CDH18: variants seen among roughly 807,000 people sequenced by gnomAD.
CDH18 encodes the protein cadherin-18.
Under a neutral mutation model 67.9 loss-of-function variants are expected in CDH18, and 31 were observed. The observed-to-expected ratio is 0.46, with a 90% CI of 0.34 to 0.62. The LOEUF (loss-of-function observed/expected upper bound fraction) is 0.62. Among genes scored for constraint, CDH18 ranks in the 20% least tolerant of loss-of-function variants. The pLI is 0.01. For missense variants in CDH18, 890 were observed against 975.5 expected (o/e 0.91, Z 1.17); for synonymous variants, 362 against 347.2 (o/e 1.04, Z -0.48).
chr5:20,012,568 G>A lies in CDH18; in HGVS notation c.-517-20554C>T, dbSNP rs531369301. 3.4e-4 allele frequency among the ~76,000 whole-genome samples: 51 copies of A among 152,114 alleles called. 2 individuals are homozygous for A. In the South Asian group the frequency reaches 0.01, roughly 31 times the overall value. On this transcript the variant is annotated intron_variant, in intron 2 of 14. Coordinates refer to the CDH18 transcript ENST00000507958. ...TAGGAATAGAGCTAACCAAGGAGGT[G>A]AAAGATCTCTACAAAGAGAACTAAA...
chr5:19,945,856 A>G (rs937907890), intron 2 of CDH18, among the ~76,000 whole-genome samples: 1 of 152,126 alleles, frequency 6.6e-6, no homozygotes, highest in African/African-American at 2.4e-5. Flanking sequence ...AGACTCAAAA[A>G]TCATTTTGAT....
At chr5:19,571,929 A>T (rs1358086871) in intron 7 of CDH18, 97 bp from the exon 8 acceptor site, 4 of 946,468 alleles carry the variant, frequency 4.2e-6, no homozygotes, top group Non-Finnish European at 6.3e-6. Context: ...CCTTTTTAGA[A>T]TAAAATAATT....
chr5:20,005,632 A>G (rs955289021), intron 2 of CDH18, among the ~76,000 whole-genome samples: 5 of 151,950 alleles, frequency 3.3e-5, no homozygotes. Flanking sequence ...ACACATATAT[A>G]TATAATTTTC....
chr5:19,582,553 T>C (rs185310015), intron 7 of CDH18, among the ~76,000 whole-genome samples: 2 of 152,128 alleles, frequency 1.3e-5, no homozygotes, highest in East Asian at 3.9e-4. Context: ...AATTCCTCTA[T>C]CAGCTGTGGC....
intron 1 of CDH18, among the ~76,000 whole-genome samples, chr5:20,265,652 AT>A (rs1165346691): frequency 6.6e-6 from 1 of 152,168 alleles, no homozygotes; most frequent in Non-Finnish European, 1.5e-5. Context: ...ATACTTATGC[AT>A]AAAAATTAAA....
At chr5:20,018,165 A>C (rs552863695) in intron 2 of CDH18, among the ~76,000 whole-genome samples, 2 of 152,164 alleles carry the variant, frequency 1.3e-5, no homozygotes, top group Admixed American at 6.5e-5. Context: ...TGTGAGGTTA[A>C]GTATTTAATA....
At chr5:19,985,949 G>T (rs1356266297) in intron 1 of CDH18, among the ~76,000 whole-genome samples, 1 of 152,140 alleles carries the variant, frequency 6.6e-6, no homozygotes, top group Non-Finnish European at 1.5e-5. Context: ...AAGTCAGGTT[G>T]CAGATACTTA....
intron 2 of CDH18, among the ~76,000 whole-genome samples, chr5:20,183,976 G>T (rs1367983852): frequency 6.6e-6 from 1 of 151,974 alleles, no homozygotes; most frequent in African/African-American, 2.4e-5. Context: ...ACGAAAATAT[G>T]TACACTAAAT....
rs868246201 is a variant in CDH18 at position 19,673,988 on chromosome 5, A to G, written c.643+47359T>C. Among the ~76,000 whole-genome samples, 9 of 152,172 alleles carry G rather than the reference A, an allele frequency of 5.9e-5. 1 individual carries two copies. In the South Asian group the frequency reaches 1.4e-3, roughly 25 times the overall value. ...CTTTAAAGAAATAAGTCACCTAAAC[A>G]AATCAAATTTAACACAATCCTCACA... On this transcript the variant is annotated intron_variant, in intron 5 of 12. Transcript: ENST00000382275.
At chr5:20,077,278 T>C (rs1003741703) in intron 2 of CDH18, among the ~76,000 whole-genome samples, 1 of 152,236 alleles carries the variant, frequency 6.6e-6, no homozygotes, top group African/African-American at 2.4e-5. Context: ...TTTATAAACC[T>C]TGGCGTATTG....
chr5:20,151,366 C>T (rs1381340718), intron 2 of CDH18, among the ~76,000 whole-genome samples: 2 of 152,106 alleles, frequency 1.3e-5, no homozygotes, highest in African/African-American at 4.8e-5. Context: ...ATATGTACAA[C>T]ATTTTCTGTA....
chr5:19,811,145 AGAAAGAAAGAAAGAAG>A (rs755513251), intron 3 of CDH18, among the ~76,000 whole-genome samples: 17,372 of 98,302 alleles, frequency 0.18, 3,201 homozygotes, highest in Middle Eastern at 0.26. Flanking sequence ...AAAGAAAGAA[AGAAAGAAAGAAAGAAG>A]GAGAGAAAGA....
In CDH18 at chr5:19,490,398, T is replaced by G. The variant is rs1237177598; in HGVS notation, c.1631-6846A>C. On this transcript the variant is annotated intron_variant, in intron 11 of 12. Transcript: ENST00000382275. ...ATATCACATATATAAAAATCTGTTT[T>G]TTTTTTTTTTTTTTTTTTTTTTTTT... Among the ~76,000 whole-genome samples the G allele has an allele frequency of 1.5e-3, 85 of 55,120 alleles. No homozygotes were observed. In the East Asian group the frequency reaches 0.034, roughly 22 times the overall value. 36.2% of individuals were successfully genotyped at this position (55,120 alleles called of 152,430 possible). A position where few individuals can be genotyped will look rare whatever the true frequency, so the allele number is the denominator to read the frequency against.
chr5:19,782,431 C>CA (rs1775228053), intron 3 of CDH18, among the ~76,000 whole-genome samples: 1 of 152,204 alleles, frequency 6.6e-6, no homozygotes, highest in East Asian at 1.9e-4. Flanking sequence ...GACACAGAGC[C>CA]AAACCATATC....
intron 1 of CDH18, among the ~76,000 whole-genome samples, chr5:20,527,762 A>C (rs1407568538): frequency 1.3e-5 from 2 of 152,146 alleles, no homozygotes; most frequent in African/African-American, 4.8e-5. Flanking sequence ...TGTAGAAAGC[A>C]CTAAACATAG....
rs1165457326 is a variant in CDH18, at chr5:19,811,013, ACT to A, written c.228+27744_228+27745del. Among the ~76,000 whole-genome samples the A allele has an allele frequency of 4.6e-5, 7 of 150,736 alleles. No homozygotes were observed. In the East Asian group the frequency reaches 5.9e-4, roughly 13 times the overall value. ...ACTCCAGCCTGGATGACAGAAAAAG[ACT>A]CTGTCTCAAAAAGGAAAGGAAAGGA... is the stretch of plus-strand genomic sequence containing the variant. On this transcript the variant is annotated intron_variant, in intron 3 of 12. Coordinates refer to ENST00000382275, the MANE Select transcript of CDH18 (RefSeq NM_004934.5).
At chr5:19,828,597 TA>T (rs1418025788) in intron 3 of CDH18, among the ~76,000 whole-genome samples, 2 of 152,208 alleles carry the variant, frequency 1.3e-5, no homozygotes, top group African/African-American at 4.8e-5. Flanking sequence ...TGCAAATCAA[TA>T]AGCGTGATTC....
intron 12 of CDH18, among the ~76,000 whole-genome samples, chr5:19,479,683 A>T (rs1466260067): frequency 1.3e-5 from 2 of 152,086 alleles, no homozygotes; most frequent in African/African-American, 4.8e-5. Context: ...TATATCTAGG[A>T]TAAGGAGCAG....
At chr5:20,433,075 A>G (rs1473669732) in intron 1 of CDH18, among the ~76,000 whole-genome samples, 1 of 150,670 alleles carries the variant, frequency 6.6e-6, no homozygotes, top group Non-Finnish European at 1.5e-5. Context: ...TATGTTAGTC[A>G]CGGATTAGCC....
Sources: allele counts gnomAD v4.1 joint callset (sites outside exome capture counted in the v4.1 genomes callset), GRCh38; gene constraint gnomAD v4.1.1; transcripts MANE v1.5; gene names NCBI Gene and HGNC (gene_info 2026-07-23, HGNC 2026-07-21).